The following AK5 variants were observed in gnomAD, a reference collection of about 807,000 sequenced individuals.
AK5 encodes adenylate kinase 5, also known as adenylate kinase isoenzyme 5.
Under a neutral mutation model 69.5 loss-of-function variants are expected in AK5, and 27 were observed. That is an observed-to-expected ratio of 0.39 (90% confidence interval 0.29 to 0.54). The LOEUF is 0.54. AK5 is among the 20% of genes least tolerant of loss of function. The probability of loss-of-function intolerance (pLI) is 0.71; values close to 1 mark genes in which losing one functional copy is unlikely to be tolerated. For synonymous variants in AK5, 260 were observed against 244.4 expected, an observed-to-expected ratio of 1.06 and a Z score of -0.60; for missense variants, 531 against 700.4, an observed-to-expected ratio of 0.76 and a Z score of 2.73.
chr1:77,368,320 AATAT>A (rs1382485141), intron 6 of AK5, among the ~76,000 whole-genome samples: 1 of 121,978 alleles, frequency 8.2e-6, no homozygotes, highest in African/African-American at 3.4e-5. Flanking sequence ...TGTTATATAT[AATAT>A]ATATGTTATA....
intron 1 of AK5, chr1:77,282,811 TG>T: frequency 6.0e-6 from 6 of 991,804 alleles, no homozygotes; most frequent in Non-Finnish European, 7.2e-6. Context: ...TCGGAACCCC[TG>T]GGGGAAAGAG....
intron 6 of AK5, among the ~76,000 whole-genome samples, chr1:77,382,346 T>C (rs1416846018): frequency 1.3e-5 from 2 of 152,074 alleles, no homozygotes; most frequent in East Asian, 1.9e-4. Context: ...TAAAACACTT[T>C]TTTAAATTTT....
In AK5 at chr1:77,529,334, G is replaced by GTTTTTTTTTTTTTT. The variant is rs935476152; in HGVS notation, c.1429-6509_1429-6496dup. Among the ~76,000 whole-genome samples, 68 of 138,016 alleles carry GTTTTTTTTTTTTTT rather than the reference G, an allele frequency of 4.9e-4. 1 individual carries two copies. Among genetic ancestry groups the GTTTTTTTTTTTTTT allele is most frequent in the African/African-American group, 1.8e-3 (66 of 36,874 alleles). 90.5% of individuals were successfully genotyped at this position (138,016 alleles called of 152,430 possible). On this transcript the variant is annotated intron_variant, in intron 12 of 13. Transcript: ENST00000354567. The stretch of plus-strand genomic sequence containing the variant: ...AGGTGTTAGGACCCCCGTTTTATAG[G>GTTTTTTTTTTTTTT]TTTTTTTTTTTTTTTTTGAGACGGA...
intron 10 of AK5, among the ~76,000 whole-genome samples, chr1:77,488,659 T>C (rs1218706016): frequency 6.6e-6 from 1 of 152,220 alleles, no homozygotes; most frequent in African/African-American, 2.4e-5. Context: ...ACTGAAGAAC[T>C]TGGAGTTTGA....
chr1:77,460,581 A>G (rs1653770522), intron 8 of AK5, among the ~76,000 whole-genome samples: 1 of 152,220 alleles, frequency 6.6e-6, no homozygotes, highest in Non-Finnish European at 1.5e-5. Context: ...TTGTATGCAT[A>G]CACAATGAAA....
chr1:77,328,931 C>A (rs750480126), intron 5 of AK5, among the ~76,000 whole-genome samples: 6 of 152,092 alleles, frequency 3.9e-5, no homozygotes, highest in Non-Finnish European at 7.4e-5. Context: ...CTGTTGCCAG[C>A]GTCTGGCAAG....
intron 6 of AK5, among the ~76,000 whole-genome samples, chr1:77,366,556 C>T (rs1646953234): frequency 6.6e-6 from 1 of 152,186 alleles, no homozygotes. Flanking sequence ...CTCTCTACCA[C>T]ACCATTCTAC....
intron 13 of AK5, among the ~76,000 whole-genome samples, chr1:77,544,687 A>G (rs1020614563): frequency 5.3e-5 from 8 of 152,138 alleles, no homozygotes; most frequent in Admixed American, 1.3e-4. Flanking sequence ...GGGCAGTAAC[A>G]TGCATGGAGC....
At chr1:77,360,235 G>T (rs1646839353) in intron 6 of AK5, among the ~76,000 whole-genome samples, 1 of 152,304 alleles carries the variant, frequency 6.6e-6, no homozygotes. Flanking sequence ...AGAGGAAGAA[G>T]AGTCGGGGAG....
At chr1:77,523,194 C>G (rs1658093187) in intron 12 of AK5, among the ~76,000 whole-genome samples, 1 of 152,200 alleles carries the variant, frequency 6.6e-6, no homozygotes, top group East Asian at 1.9e-4. Context: ...TCATCTTCCC[C>G]TACACTTCCT....
rs116746113 is a variant in AK5, at chr1:77,399,269, G to A, written c.892-11712G>A. Reference sequence around the variant, plus strand: ...CTGAATCTATAAAATTTAGACAATCGGCCACTGCAGCCACCCTCCCTTCAG... The same window carrying A: ...CTGAATCTATAAAATTTAGACAATCAGCCACTGCAGCCACCCTCCCTTCAG... On this transcript the variant is annotated intron_variant, in intron 6 of 13. Coordinates refer to ENST00000354567, the MANE Select transcript of AK5 (RefSeq NM_174858.3). 5.4e-3 allele frequency among the ~76,000 whole-genome samples: 821 copies of A among 152,108 alleles called. 10 individuals carry two copies. The highest frequency in any genetic ancestry group is 0.019 in the African/African-American group (768 of 41,462).
chr1:77,502,583 C>T (rs1381380602), intron 10 of AK5, among the ~76,000 whole-genome samples: 1 of 152,114 alleles, frequency 6.6e-6, no homozygotes, highest in Non-Finnish European at 1.5e-5. Context: ...ATGTAGGCCT[C>T]CTCCTGGAAA....
Position 77,518,664 on chromosome 1 carries a change from A to C in AK5, c.1248A>C (p.Ala416=), listed in dbSNP as rs188562692. Residue 416 remains alanine, a synonymous_variant, in exon 11 of 14, where the codon GCA becomes GCC. Coordinates refer to ENST00000354567, the MANE Select transcript of AK5 (RefSeq NM_174858.3). Reference sequence around the variant, plus strand: ...GCGAGCTCCTGCGTGAGGAACTGGCATCAGAATCTGAAAGAAGCAAATTGA... The same window carrying C: ...GCGAGCTCCTGCGTGAGGAACTGGCCTCAGAATCTGAAAGAAGCAAATTGA... ...STGELLREEL[A]SESERSKLIR... 6 of 1,614,212 alleles carry C rather than the reference A, an allele frequency of 3.7e-6. No individual in the cohort carries two copies. The East Asian group carries it at 1.1e-4, about 30-fold the overall frequency.
chr1:77,371,765 C>T (rs977034983), intron 6 of AK5, among the ~76,000 whole-genome samples: 3 of 152,136 alleles, frequency 2.0e-5, no homozygotes, highest in Non-Finnish European at 2.9e-5. Context: ...TCTATGATTT[C>T]ACTATTCCAT....
In AK5 at chr1:77,283,026, A is replaced by C. The variant is rs890967648; in HGVS notation, c.60+653A>C. The C allele has an allele frequency of 8.1e-6, 8 of 985,494 alleles. No individual in the cohort carries two copies. The African/African-American group carries it at 1.4e-4, about 17-fold the overall frequency. 61.0% of individuals were successfully genotyped at this position (985,494 alleles called of 1,614,324 possible). A position where few individuals can be genotyped will look rare whatever the true frequency, so the allele number is the denominator to read the frequency against. Reference sequence around the variant, plus strand: ...GCCGCAGGTTTCGCCAGTGCTCGACAACCCACCTGGAGATAGCGGGTCGGG... The same window carrying C: ...GCCGCAGGTTTCGCCAGTGCTCGACCACCCACCTGGAGATAGCGGGTCGGG... On this transcript the variant is annotated intron_variant, in intron 1 of 13. Coordinates refer to ENST00000354567, the MANE Select transcript of AK5 (RefSeq NM_174858.3).
chr1:77,381,560 CA>C (rs1553142510), intron 6 of AK5, among the ~76,000 whole-genome samples: 23 of 152,286 alleles, frequency 1.5e-4, no homozygotes, highest in Non-Finnish European at 2.9e-5. Context: ...GAGGGCAAGA[CA>C]GACATGCAAA....
chr1:77,483,264 T>G (rs1655382530), intron 8 of AK5, 53 bp from the exon 9 acceptor site: 2 of 1,400,136 alleles, frequency 1.4e-6, no homozygotes, highest in Non-Finnish European at 2.0e-6. Flanking sequence ...TGCCAAGGAG[T>G]TCAGCAAAAT....
At chr1:77,320,231 A>G (rs1040737040) in intron 5 of AK5, among the ~76,000 whole-genome samples, 3 of 152,138 alleles carry the variant, frequency 2.0e-5, no homozygotes, top group Non-Finnish European at 4.4e-5. Flanking sequence ...CCATGATTCA[A>G]TTACCTTGCA....
At chr1:77,363,323 C>CCA in intron 6 of AK5, among the ~76,000 whole-genome samples, 1 of 152,298 alleles carries the variant, frequency 6.6e-6, no homozygotes, top group Non-Finnish European at 1.5e-5. Flanking sequence ...CCACTGCTTC[C>CCA]CACAGCCTCT....
Sources: gnomAD v4.1 joint callset for allele counts (sites outside exome capture counted in the v4.1 genomes callset) on GRCh38, gnomAD v4.1.1 for gene constraint, MANE v1.5 for transcripts, NCBI Gene and HGNC (gene_info 2026-07-23, HGNC 2026-07-21) for gene names.